Variants in FOXN3 observed in about 807,000 individuals in gnomAD.
FOXN3 encodes the protein forkhead box protein N3.
A neutral mutation model predicts 38.4 loss-of-function variants in FOXN3; 7 were observed. The observed-to-expected ratio is 0.18, with a 90% CI of 0.10 to 0.34. The LOEUF (loss-of-function observed/expected upper bound fraction) is 0.34. FOXN3 is among the 10% of genes least tolerant of loss of function. FOXN3 has a pLI of 1.00. For synonymous variants in FOXN3, 230 were observed against 242.2 expected (o/e 0.95, Z 0.47); for missense variants, 456 against 613.4 (o/e 0.74, Z 2.71).
chr14:89,598,931 G>A (rs1176096062), intron 1 of FOXN3, among the ~76,000 whole-genome samples: 1 of 152,074 alleles, frequency 6.6e-6, no homozygotes, highest in Non-Finnish European at 1.5e-5. Flanking sequence ...GGATTCTGTG[G>A]CTTTGTGTGA....
chr14:89,241,586 C>A (rs142158583), intron 4 of FOXN3, among the ~76,000 whole-genome samples: 13 of 152,298 alleles, frequency 8.5e-5, no homozygotes, highest in African/African-American at 2.9e-4. Context: ...AGGAAAGAAC[C>A]AGAAAGCCTG....
At chr14:89,457,875 G>C (rs978094712) in intron 1 of FOXN3, among the ~76,000 whole-genome samples, 1 of 152,036 alleles carries the variant, frequency 6.6e-6, no homozygotes, top group Non-Finnish European at 1.5e-5. Flanking sequence ...TCAGCTGGGC[G>C]TGGTGGCACA....
chr14:89,179,683 T>C (rs535973466), intron 5 of FOXN3, among the ~76,000 whole-genome samples: 20 of 152,092 alleles, frequency 1.3e-4, no homozygotes, highest in African/African-American at 3.6e-4. Context: ...GGGTCACTCA[T>C]TGAAGGGCTA....
intron 1 of FOXN3, among the ~76,000 whole-genome samples, chr14:89,508,325 C>T (rs1003037896): frequency 6.6e-6 from 1 of 152,156 alleles, no homozygotes; most frequent in Non-Finnish European, 1.5e-5. Context: ...GAGAAGGCAG[C>T]ACCGTTCCCT....
At chr14:89,413,130 G>A (rs1425982305) in intron 1 of FOXN3, among the ~76,000 whole-genome samples, 2 of 152,070 alleles carry the variant, frequency 1.3e-5, no homozygotes, top group Admixed American at 6.6e-5. Context: ...AAGAAAACGA[G>A]GAGGTGGTAC....
At chr14:89,218,903 T>C (rs975718358) in intron 4 of FOXN3, among the ~76,000 whole-genome samples, 1 of 152,250 alleles carries the variant, frequency 6.6e-6, no homozygotes, top group Non-Finnish European at 1.5e-5. Flanking sequence ...TTTGTTTCTA[T>C]ACACAAACTC....
intron 3 of FOXN3, among the ~76,000 whole-genome samples, chr14:89,322,804 T>A (rs1422157435): frequency 6.6e-6 from 1 of 151,934 alleles, no homozygotes; most frequent in African/African-American, 2.4e-5. Context: ...AGTTAGAAGG[T>A]CATCCATCCA....
intron 1 of FOXN3, among the ~76,000 whole-genome samples, chr14:89,541,209 G>GT (rs749965670): frequency 6.6e-6 from 1 of 152,138 alleles, no homozygotes; most frequent in Non-Finnish European, 1.5e-5. Context: ...CATGTGGGTG[G>GT]TGCTGTAAGA....
chr14:89,238,259 G>A (rs933792906), intron 4 of FOXN3, among the ~76,000 whole-genome samples: 2 of 152,156 alleles, frequency 1.3e-5, no homozygotes, highest in Non-Finnish European at 2.9e-5. Flanking sequence ...AATGGTAACT[G>A]TGTTTACCCG....
intron 2 of FOXN3, chr14:89,354,943 C>T (rs1352238310): frequency 6.6e-6 from 1 of 151,964 alleles, no homozygotes; most frequent in Non-Finnish European, 1.5e-5. Context: ...GAAGAATATT[C>T]ATTTATAGGA....
intron 1 of FOXN3, among the ~76,000 whole-genome samples, chr14:89,574,173 C>A (rs142244670): frequency 1.5e-3 from 223 of 152,298 alleles, no homozygotes; most frequent in African/African-American, 5.1e-3. Flanking sequence ...TCCCTTCAGC[C>A]CCTACTCAAT....
At chr14:89,571,861 T>C (rs1203125717) in intron 1 of FOXN3, among the ~76,000 whole-genome samples, 1 of 152,248 alleles carries the variant, frequency 6.6e-6, no homozygotes, top group Non-Finnish European at 1.5e-5. Flanking sequence ...GCCCTTCAGA[T>C]ACCTGGTATT....
intron 2 of FOXN3, among the ~76,000 whole-genome samples, chr14:89,404,425 A>AC (rs1276673864): frequency 7.0e-6 from 1 of 142,570 alleles, no homozygotes. Flanking sequence ...AATCGCTTGA[A>AC]CCTGGGAAGG....
chr14:89,572,917 T>G (rs902894779), intron 1 of FOXN3, among the ~76,000 whole-genome samples: 2 of 152,018 alleles, frequency 1.3e-5, no homozygotes, highest in African/African-American at 4.8e-5. Flanking sequence ...TCGAACAGGG[T>G]TCCATGTGGC....
intron 3 of FOXN3, among the ~76,000 whole-genome samples, chr14:89,325,143 C>T (rs1444894068): frequency 6.6e-6 from 1 of 152,170 alleles, no homozygotes; most frequent in Admixed American, 6.5e-5. Context: ...AGTACTTCCA[C>T]CACTGCAGAA....
At chr14:89,377,180 G>A (rs543978605) in intron 2 of FOXN3, among the ~76,000 whole-genome samples, 7 of 151,758 alleles carry the variant, frequency 4.6e-5, no homozygotes, top group African/African-American at 1.7e-4. Flanking sequence ...GGCCTTGACT[G>A]TCTCAGAAAA....
chr14:89,602,485 AT>A (rs1187492557), intron 1 of FOXN3, among the ~76,000 whole-genome samples: 1 of 151,330 alleles, frequency 6.6e-6, no homozygotes, highest in Non-Finnish European at 1.5e-5. Flanking sequence ...GGTAGGTGAC[AT>A]TTTTTTCTTT....
intron 1 of FOXN3, among the ~76,000 whole-genome samples, chr14:89,468,894 T>A (rs1018116198): frequency 6.6e-6 from 1 of 152,202 alleles, no homozygotes; most frequent in Non-Finnish European, 1.5e-5. Context: ...TTGCTGGGTC[T>A]GTGCATCATA....
chr14:89,208,632 C>T (rs1888446914), intron 4 of FOXN3, among the ~76,000 whole-genome samples: 1 of 152,212 alleles, frequency 6.6e-6, no homozygotes, highest in Admixed American at 6.5e-5. Flanking sequence ...CGAGCTCCTA[C>T]AGCCCAAACC....
Sources: allele counts gnomAD v4.1 joint callset (sites outside exome capture counted in the v4.1 genomes callset), GRCh38; gene constraint gnomAD v4.1.1; transcripts MANE v1.5; gene names NCBI Gene and HGNC (gene_info 2026-07-23, HGNC 2026-07-21).